GAPVD1: variants seen among roughly 807,000 people sequenced by gnomAD.
The protein encoded by GAPVD1 is GTPase activating protein and VPS9 domains 1.
Under a neutral mutation model 155.5 loss-of-function variants are expected in GAPVD1, and 35 were observed. The ratio of observed to expected loss-of-function variants is 0.23; its 90% CI spans 0.17 to 0.30. The LOEUF is 0.30. Among genes scored for constraint, GAPVD1 ranks in the 10% least tolerant of loss-of-function variants. The pLI is 1.00. For missense variants in GAPVD1, 1,429 were observed against 1,775.7 expected, an observed-to-expected ratio of 0.80 and a Z score of 3.51; for synonymous variants, 636 against 619.7, an observed-to-expected ratio of 1.03 and a Z score of -0.39.
intron 3 of GAPVD1, 105 bp from the exon 4 acceptor site, chr9:125,298,785 C>G: frequency 1.8e-6 from 1 of 569,636 alleles, no homozygotes; most frequent in Non-Finnish European, 3.0e-6. Flanking sequence ...ACCGCGCCTG[C>G]CCAAATGTAA....
At chr9:125,281,671 C>A (rs555972919) in intron 2 of GAPVD1, among the ~76,000 whole-genome samples, 1 of 152,228 alleles carries the variant, frequency 6.6e-6, no homozygotes, top group Non-Finnish European at 1.5e-5. Context: ...TACCTAGTGT[C>A]CTTTTTCTGT....
At chr9:125,321,926 GCA>G (rs751751688) in intron 10 of GAPVD1, among the ~76,000 whole-genome samples, 1 of 152,084 alleles carries the variant, frequency 6.6e-6, no homozygotes, top group Non-Finnish European at 1.5e-5. Context: ...TCAATATGTT[GCA>G]CATACTCTTA....
At position 125,337,074 on chromosome 9, in the gene GAPVD1, G is replaced by T; in HGVS notation, c.2485G>T (p.Asp829Tyr). 6.2e-7 allele frequency: 1 copy of T among 1,612,818 alleles called. No homozygotes were observed. Among genetic ancestry groups the T allele is most frequent in the South Asian group, 1.1e-5 (1 of 91,032 alleles). ...SQSESLLAMF[D>Y]PLSSHEGASA... ...GTCAGAGTCTCTGCTGGCCATGTTT[G>T]ATCCACTGTCTTCACATGAAGGTAA... Residue 829 changes from aspartate to tyrosine, a missense_variant, in exon 16 of 28, where the codon GAT (aspartate) becomes TAT (tyrosine). Transcript: ENST00000297933.
intron 5 of GAPVD1, 121 bp downstream of exon 5, chr9:125,302,947 C>T: frequency 8.3e-7 from 1 of 1,199,292 alleles, no homozygotes; most frequent in Non-Finnish European, 1.1e-6. Context: ...TTTTTCTCAA[C>T]CAGTCCTAAG....
chr9:125,341,239 A>G lies in GAPVD1; in HGVS notation c.2940A>G (p.Lys980=), dbSNP rs1847813409. The G allele has an allele frequency of 2.5e-6, 4 of 1,590,432 alleles. No individual in the cohort carries two copies. The highest frequency in any genetic ancestry group is 2.6e-6 in the Non-Finnish European group (3 of 1,161,526). The change falls in exon 18 of 28, where the codon AAA becomes AAG. Residue 980 remains lysine (K), a synonymous_variant. Transcript: ENST00000297933. ...ACAGGAACAGACCTTGGTGGAGAAAACGTTTTGTTTCAGCCATGCCTAAAG... is the reference window on the plus strand; with the variant it reads ...ACAGGAACAGACCTTGGTGGAGAAAGCGTTTTGTTTCAGCCATGCCTAAAG... The part of the protein sequence containing the change: ...KSDRNRPWWR[K]RFVSAMPKAP...
At position 125,314,826 on chromosome 9, in the gene GAPVD1, C is replaced by T. The variant is rs190111009; in HGVS notation, c.1602+2214C>T. Reference sequence around the variant, plus strand: ...TTTTTGAGACGGAGTCTCACTCTGTCACCCAGGCTGGAGTGCAGTGGTGCG... The same window carrying T: ...TTTTTGAGACGGAGTCTCACTCTGTTACCCAGGCTGGAGTGCAGTGGTGCG... On this transcript the variant is annotated intron_variant, in intron 9 of 27. Transcript: ENST00000297933. Among the ~76,000 whole-genome samples the T allele has an allele frequency of 2.0e-4, 29 of 145,028 alleles. No homozygotes were observed. The East Asian group carries it at 5.8e-3, about 29-fold the overall frequency.
chr9:125,313,167 C>T (rs1239826731), intron 9 of GAPVD1, among the ~76,000 whole-genome samples: 1 of 151,944 alleles, frequency 6.6e-6, no homozygotes, highest in Non-Finnish European at 1.5e-5. Flanking sequence ...GAGGGCCCTG[C>T]CTTCATGACC....
At chr9:125,349,023 C>T (rs1848929070) in intron 20 of GAPVD1, among the ~76,000 whole-genome samples, 1 of 152,126 alleles carries the variant, frequency 6.6e-6, no homozygotes, top group African/African-American at 2.4e-5. Flanking sequence ...GAGTCCATGT[C>T]TATAAAATGA....
rs747985352 is a variant in GAPVD1 at position 125,302,531 on chromosome 9, A to C, written c.734A>C (p.Gln245Pro). The C allele has an allele frequency of 6.2e-7, 1 of 1,614,042 alleles. No homozygotes were observed. Among genetic ancestry groups the C allele is most frequent in the South Asian group, 1.1e-5 (1 of 91,078 alleles). ...FGEKGSDRFR[Q>P]KVQEMVESNE... ...GAGAAGGGCTCAGATAGATTCAGGC[A>C]AAAAGTTCAAGAAATGGTGGAGTCC... is the stretch of plus-strand genomic sequence containing the variant. The change falls in exon 5 of 28, where the codon CAA becomes CCA. Residue 245 changes from glutamine to proline, a missense_variant. By Grantham distance (76) the Gln-to-Pro change is moderately conservative. Around this residue, in one of 4 missense-constraint regions of GAPVD1, gnomAD observed 628 missense variants for 733.4 expected, o/e 0.86. Transcript: ENST00000297933.
At chr9:125,357,094 CAG>C (rs1850191675) in intron 25 of GAPVD1, among the ~76,000 whole-genome samples, 1 of 152,034 alleles carries the variant, frequency 6.6e-6, no homozygotes, top group Admixed American at 6.6e-5. Context: ...GCTAGGATAA[CAG>C]GGCATGAGCC....
At position 125,261,856 on chromosome 9, in the gene GAPVD1, T is replaced by TGGCGGCAGC. The variant is rs1253910585; in HGVS notation, c.-295_-287dup. 1 of 152,964 alleles carries TGGCGGCAGC rather than the reference T, an allele frequency of 6.5e-6. No individual in the cohort carries two copies. The highest frequency in any genetic ancestry group is 1.5e-5 in the Non-Finnish European group (1 of 68,576). The allele number at this position is 152,964 out of a possible 1,614,324, so 9.5% of individuals were successfully genotyped here. Reference sequence around the variant, plus strand: ...GAAGCCAACAGGCGAGTGGCGAAGGTGGCGGCAGCGGCGGCGGGGGCAGTC... The same window carrying TGGCGGCAGC: ...GAAGCCAACAGGCGAGTGGCGAAGGTGGCGGCAGCGGCGGCAGCGGCGGCGGGGGCAGTC... On this transcript the variant is annotated 5_prime_UTR_variant, in exon 1 of 28. Transcript: ENST00000297933.
Position 125,302,182 on chromosome 9 carries a change from AT to A in GAPVD1, c.388del (p.Tyr130ThrfsTer27). The A allele has an allele frequency of 6.2e-7, 1 of 1,613,730 alleles. No individual in the cohort carries two copies. Among genetic ancestry groups the A allele is most frequent in the Non-Finnish European group, 8.5e-7 (1 of 1,179,732 alleles). ...KLNQENTQSV[I>X]YTVFTSLYGN... ...TAATCAGGAGAACACACAAAGTGTT[AT>A]TTACACAGTTTTTACCTCCCTGTAT... On this transcript the variant is annotated frameshift_variant, in exon 5 of 28. Coordinates refer to ENST00000297933, the MANE Select transcript of GAPVD1 (RefSeq NM_001282680.3). LOFTEE classifies it high-confidence loss of function.
At chr9:125,313,854 G>A (rs533184772) in intron 9 of GAPVD1, among the ~76,000 whole-genome samples, 1 of 152,308 alleles carries the variant, frequency 6.6e-6, no homozygotes, top group African/African-American at 2.4e-5. Context: ...ACCCACCTTG[G>A]CCTCCCAAAG....
At chr9:125,322,692 GCATAT>G (rs1238935912) in intron 10 of GAPVD1, among the ~76,000 whole-genome samples, 2 of 150,786 alleles carry the variant, frequency 1.3e-5, no homozygotes, top group East Asian at 3.9e-4. Context: ...ACCTCACATG[GCATAT>G]CATAATTTTT....
At chr9:125,315,312 G>C (rs1416432093) in intron 9 of GAPVD1, among the ~76,000 whole-genome samples, 1 of 152,078 alleles carries the variant, frequency 6.6e-6, no homozygotes, top group East Asian at 1.9e-4. Context: ...AACTTATTTG[G>C]AACTCTGGAA....
intron 5 of GAPVD1, 90 bp from the exon 6 acceptor site, chr9:125,304,973 G>A (rs1018258965): frequency 8.7e-6 from 7 of 805,718 alleles, no homozygotes; most frequent in Non-Finnish European, 1.5e-5. Context: ...CAGATTTTTA[G>A]AACAGAATAG....
intron 2 of GAPVD1, among the ~76,000 whole-genome samples, chr9:125,289,488 T>C (rs954101144): frequency 3.9e-5 from 6 of 152,122 alleles, no homozygotes; most frequent in African/African-American, 1.4e-4. Context: ...GGATTTGATA[T>C]GGATTGGGTA....
intron 14 of GAPVD1, 91 bp from the exon 15 acceptor site, chr9:125,332,419 G>A (rs1846224808): frequency 1.0e-5 from 11 of 1,058,968 alleles, no homozygotes; most frequent in South Asian, 1.5e-5. Context: ...CACAAAATTC[G>A]AGAATGTTTC....
chr9:125,282,333 C>T (rs529964121), intron 2 of GAPVD1, among the ~76,000 whole-genome samples: 6 of 152,258 alleles, frequency 3.9e-5, no homozygotes, highest in African/African-American at 1.4e-4. Context: ...AACGGGGTTT[C>T]ACCATGTTGG....
Sources: allele counts gnomAD v4.1 joint callset (sites outside exome capture counted in the v4.1 genomes callset), GRCh38; gene constraint gnomAD v4.1.1; regional missense constraint gnomAD v4.1.1; transcripts MANE v1.5; gene names NCBI Gene and HGNC (gene_info 2026-07-23, HGNC 2026-07-21).